COL22A1: variants seen among roughly 807,000 people sequenced by gnomAD.
COL22A1 encodes collagen type XXII alpha 1 chain.
In COL22A1, 221 loss-of-function variants were observed where a neutral mutation model predicts 248.9. The observed-to-expected ratio is 0.89, with a 90% confidence interval of 0.80 to 0.99. The LOEUF (loss-of-function observed/expected upper bound fraction) is 0.99, where lower values mean the gene tolerates loss of function less well. COL22A1 is among the 50% of genes least tolerant of loss of function. The pLI, the probability that COL22A1 is intolerant of heterozygous loss-of-function variation, is 0.00. For missense variants in COL22A1, 2,240 were observed against 2,179.0 expected (o/e 1.03, Z -0.56); for synonymous variants, 891 against 793.4 (o/e 1.12, Z -2.07).
chr8:138,829,612 G>T (rs111932762), intron 5 of COL22A1, among the ~76,000 whole-genome samples: 2,184 of 151,778 alleles, frequency 0.014, 51 homozygotes, highest in African/African-American at 0.049. Context: ...CTAATTTTTT[G>T]TATTTTTAGT....
At chr8:138,891,355 AG>A (rs570431650) in intron 1 of COL22A1, among the ~76,000 whole-genome samples, 46 of 152,300 alleles carry the variant, frequency 3.0e-4, no homozygotes, top group Admixed American at 9.1e-4. Flanking sequence ...GGGTTCAGGG[AG>A]GATAGACAAC....
At chr8:138,602,238 G>T (rs369136904) in intron 59 of COL22A1, 79 bp from the exon 60 acceptor site, 271 of 1,511,228 alleles carry the variant, frequency 1.8e-4, no homozygotes, top group Middle Eastern at 1.4e-3. Flanking sequence ...ATTCTTCACA[G>T]TCCTGCATGC....
At chr8:138,911,530 G>A (rs149653074) in intron 1 of COL22A1, among the ~76,000 whole-genome samples, 14 of 152,274 alleles carry the variant, frequency 9.2e-5, no homozygotes, top group Admixed American at 4.6e-4. Flanking sequence ...AGATGACAGC[G>A]GATGACCAGA....
intron 23 of COL22A1, among the ~76,000 whole-genome samples, chr8:138,731,270 C>T (rs1830685803): frequency 6.6e-6 from 1 of 152,044 alleles, no homozygotes; most frequent in Admixed American, 6.6e-5. Context: ...CATTGCACTC[C>T]AGCCTGGGCA....
chr8:138,811,674 G>T, intron 9 of COL22A1, 125 bp downstream of exon 9: 1 of 1,059,760 alleles, frequency 9.4e-7, no homozygotes, highest in Non-Finnish European at 1.5e-6. Context: ...AACACAGGGT[G>T]CTGTCAGCTG....
At chr8:138,726,167 G>A (rs1001154584) in intron 23 of COL22A1, among the ~76,000 whole-genome samples, 1 of 152,034 alleles carries the variant, frequency 6.6e-6, no homozygotes, top group Non-Finnish European at 1.5e-5. Flanking sequence ...GGGGAGGGCT[G>A]GGGAGGGGAG....
intron 36 of COL22A1, 62 bp from the exon 37 acceptor site, chr8:138,689,032 C>T (rs1826599855): frequency 3.6e-6 from 5 of 1,369,958 alleles, no homozygotes; most frequent in East Asian, 2.3e-5. Context: ...CTTGGTGGCT[C>T]GTGACCCCCA....
intron 10 of COL22A1, among the ~76,000 whole-genome samples, chr8:138,805,620 AGG>A (rs1817503010): frequency 1.1e-5 from 1 of 94,890 alleles, no homozygotes; most frequent in Non-Finnish European, 2.1e-5. Context: ...ACGGTGTGTG[AGG>A]GTGTGTGTGT....
rs1563784959 is a variant in COL22A1 at position 138,805,028 on chromosome 8, A to ATGGTG, written c.1495-2095_1495-2094insCACCA. 3.6e-3 allele frequency among the ~76,000 whole-genome samples: 183 copies of ATGGTG among 51,370 alleles called. 15 individuals are homozygous for ATGGTG. The highest frequency in any genetic ancestry group is 0.027 in the African/African-American group (174 of 6,392). The allele number at this position is 51,370 out of a possible 152,430, so 33.7% of individuals were successfully genotyped here. On this transcript the variant is annotated intron_variant, in intron 10 of 64. Transcript: ENST00000303045. The stretch of plus-strand genomic sequence containing the variant: ...AATGGTGTGTGGTGGTGTGTGTGTG[A>ATGGTG]TAGTGTGTGTGATGGTGTGTGTAAT...
At chr8:138,818,190 T>G (rs1411071121) in intron 7 of COL22A1, among the ~76,000 whole-genome samples, 1 of 152,188 alleles carries the variant, frequency 6.6e-6, no homozygotes, top group East Asian at 1.9e-4. Flanking sequence ...AGATGCTCTC[T>G]GGGTTCCTTA....
At chr8:138,630,633 C>T (rs748895317) in intron 50 of COL22A1, 62 bp downstream of exon 50, 2 of 1,470,086 alleles carry the variant, frequency 1.4e-6, no homozygotes, top group Non-Finnish European at 1.9e-6. Context: ...TTGGCAAACA[C>T]CTGGGGTTCC....
intron 12 of COL22A1, among the ~76,000 whole-genome samples, chr8:138,790,690 G>T (rs565688126): frequency 2.6e-5 from 4 of 152,192 alleles, no homozygotes; most frequent in Admixed American, 6.5e-5. Flanking sequence ...TGTCTGTCTT[G>T]TTGGGATAAG....
intron 47 of COL22A1, among the ~76,000 whole-genome samples, chr8:138,640,247 C>G (rs1821558275): frequency 6.6e-6 from 1 of 152,162 alleles, no homozygotes; most frequent in African/African-American, 2.4e-5. Flanking sequence ...TTTTCCAGAA[C>G]CATCATGTGC....
chr8:138,683,184 G>T (rs1826088161), intron 39 of COL22A1, among the ~76,000 whole-genome samples: 1 of 152,128 alleles, frequency 6.6e-6, no homozygotes, highest in African/African-American at 2.4e-5. Flanking sequence ...GCCACTGGAG[G>T]TCCTGAAACA....
intron 41 of COL22A1, among the ~76,000 whole-genome samples, chr8:138,663,945 C>T (rs139383074): frequency 6.6e-6 from 1 of 152,014 alleles, no homozygotes; most frequent in African/African-American, 2.4e-5. Context: ...GAAGCTCCTC[C>T]ATTTGCTCCT....
chr8:138,805,655 GTTATGGTGTGTGTC>G, intron 10 of COL22A1, among the ~76,000 whole-genome samples: 1 of 148,286 alleles, frequency 6.7e-6, no homozygotes, highest in Middle Eastern at 3.7e-3. Context: ...GTGATGGTGT[GTTATGGTGTGTGTC>G]TGTGTGTGAT....
chr8:138,850,606 G>A (rs1460351135), intron 3 of COL22A1, among the ~76,000 whole-genome samples: 1 of 152,144 alleles, frequency 6.6e-6, no homozygotes, highest in Non-Finnish European at 1.5e-5. Context: ...ACAAGGTAAG[G>A]GCCTGCCAGG....
Position 138,778,501 on chromosome 8 carries a change from A to G in COL22A1, c.1705-95T>C, listed in dbSNP as rs994757125. The G allele has an allele frequency of 1.1e-5, 12 of 1,130,646 alleles. No homozygotes were observed. The Admixed American group carries it at 2.2e-4, about 21-fold the overall frequency. 70.0% of individuals were successfully genotyped at this position (1,130,646 alleles called of 1,614,324 possible). ...AGCCAGTCCCACGTTTGGTGACAAG[A>G]GCTGCTAGCTCACCTCTCACCAAGT... On this transcript the variant is annotated intron_variant, in intron 14 of 64. Coordinates refer to ENST00000303045, the MANE Select transcript of COL22A1 (RefSeq NM_152888.3).
chr8:138,717,512 C>T (rs1774514112), intron 27 of COL22A1, among the ~76,000 whole-genome samples: 1 of 152,016 alleles, frequency 6.6e-6, no homozygotes, highest in African/African-American at 2.4e-5. Context: ...GTCACCCAGG[C>T]TAGTACAGTG....
Sources: gnomAD v4.1 joint callset for allele counts (sites outside exome capture counted in the v4.1 genomes callset) on GRCh38, gnomAD v4.1.1 for gene constraint, MANE v1.5 for transcripts, NCBI Gene and HGNC (gene_info 2026-07-23, HGNC 2026-07-21) for gene names.